The following ARHGAP26 variants were observed in gnomAD, a reference collection of about 807,000 sequenced individuals.
ARHGAP26 encodes rho GTPase-activating protein 26.
A neutral mutation model predicts 104.8 loss-of-function variants in ARHGAP26; 38 were observed. The ratio of observed to expected loss-of-function variants is 0.36; its 90% CI spans 0.28 to 0.48. The LOEUF is 0.48. Among genes scored for constraint, ARHGAP26 ranks in the 20% least tolerant of loss-of-function variants. The pLI, the probability that ARHGAP26 is intolerant of heterozygous loss-of-function variation, is 0.99. For synonymous variants in ARHGAP26, 341 were observed against 340.0 expected (o/e 1.00, Z -0.03); for missense variants, 704 against 947.9 (o/e 0.74, Z 3.38).
At chr5:143,130,974 T>C (rs1449140495) in intron 18 of ARHGAP26, among the ~76,000 whole-genome samples, 2 of 152,242 alleles carry the variant, frequency 1.3e-5, no homozygotes, top group Non-Finnish European at 2.9e-5. Context: ...ATCCTGAGAA[T>C]AGCCCTATCA....
intron 11 of ARHGAP26, among the ~76,000 whole-genome samples, chr5:143,007,919 G>A (rs566755425): frequency 1.3e-5 from 2 of 152,206 alleles, no homozygotes; most frequent in South Asian, 4.2e-4. Flanking sequence ...GTTTCAGTTG[G>A]TTATATTACA....
intron 1 of ARHGAP26, among the ~76,000 whole-genome samples, chr5:142,820,131 G>A (rs1022565615): frequency 6.6e-6 from 1 of 152,190 alleles, no homozygotes; most frequent in Non-Finnish European, 1.5e-5. Flanking sequence ...TGGAATCCAC[G>A]AATGTGCATT....
At chr5:143,017,978 A>G (rs1375199319) in intron 12 of ARHGAP26, among the ~76,000 whole-genome samples, 2 of 152,194 alleles carry the variant, frequency 1.3e-5, no homozygotes, top group African/African-American at 2.4e-5. Flanking sequence ...CCCTACATGC[A>G]AATTTCTCCA....
At chr5:143,189,184 G>A (rs893939089) in intron 20 of ARHGAP26, among the ~76,000 whole-genome samples, 1 of 152,154 alleles carries the variant, frequency 6.6e-6, no homozygotes, top group African/African-American at 2.4e-5. Context: ...TTCAAAATAG[G>A]ACCCTTTCCA....
intron 1 of ARHGAP26, among the ~76,000 whole-genome samples, chr5:142,857,148 A>G (rs553774797): frequency 1.1e-4 from 17 of 152,262 alleles, no homozygotes; most frequent in African/African-American, 4.1e-4. Context: ...TTACAAGGAC[A>G]CTAGTCATTG....
chr5:142,974,449 C>A (rs566341725), intron 11 of ARHGAP26, among the ~76,000 whole-genome samples: 1 of 152,260 alleles, frequency 6.6e-6, no homozygotes, highest in South Asian at 2.1e-4. Context: ...CAATGGCCCT[C>A]TTTACATGGG....
At chr5:142,819,894 A>G (rs1344648395) in intron 1 of ARHGAP26, among the ~76,000 whole-genome samples, 2 of 152,146 alleles carry the variant, frequency 1.3e-5, no homozygotes, top group Non-Finnish European at 2.9e-5. Context: ...CTGGTGTTGC[A>G]TACACCAGGG....
chr5:143,085,002 G>A (rs540098762), intron 17 of ARHGAP26, among the ~76,000 whole-genome samples: 7 of 135,418 alleles, frequency 5.2e-5, no homozygotes, highest in Non-Finnish European at 7.6e-5. Flanking sequence ...CCGAGATCGC[G>A]CCACTGCACT....
intron 17 of ARHGAP26, among the ~76,000 whole-genome samples, chr5:143,084,350 A>G (rs1790241740): frequency 6.6e-6 from 1 of 152,190 alleles, no homozygotes; most frequent in Admixed American, 6.5e-5. Context: ...GATTCTCATC[A>G]CTCTGTGCTG....
At chr5:142,861,620 G>A (rs376289042) in intron 1 of ARHGAP26, among the ~76,000 whole-genome samples, 6 of 152,078 alleles carry the variant, frequency 3.9e-5, no homozygotes, top group South Asian at 2.1e-4. Flanking sequence ...TCATTTTTAC[G>A]CAGAAACAAA....
intron 11 of ARHGAP26, among the ~76,000 whole-genome samples, chr5:143,004,584 C>T (rs982331897): frequency 6.6e-6 from 1 of 152,196 alleles, no homozygotes; most frequent in Admixed American, 6.5e-5. Flanking sequence ...CCATGAAGAG[C>T]TCCTGTCAGT....
At chr5:143,106,790 C>T (rs2005795) in intron 17 of ARHGAP26, among the ~76,000 whole-genome samples, 116,472 of 152,070 alleles carry the variant, frequency 0.77, 47,921 homozygotes, top group Non-Finnish European at 0.92. Flanking sequence ...CATTTTAAAG[C>T]GGTCTCAGGC....
Position 143,222,246 on chromosome 5 carries a change from TACACACAC to T in ARHGAP26, c.2192-81_2192-74del, listed in dbSNP as rs66463225. 4.0e-3 allele frequency: 1,926 copies of T among 478,944 alleles called. 20 individuals carry two copies. Among genetic ancestry groups the T allele is most frequent in the African/African-American group, 0.023 (1,179 of 50,754 alleles). The allele number at this position is 478,944 out of a possible 1,614,324, so 29.7% of individuals were successfully genotyped here. ...GTACTCATTGTCCAAGCTTCCTTCA[TACACACAC>T]ACACACACACACACACACACACACA... On this transcript the variant is annotated intron_variant, in intron 22 of 22. Transcript: ENST00000645722.
intron 17 of ARHGAP26, among the ~76,000 whole-genome samples, chr5:143,070,115 G>A (rs774407321): frequency 7.2e-5 from 11 of 152,138 alleles, no homozygotes; most frequent in Non-Finnish European, 1.6e-4. Context: ...ATGTGGGGGG[G>A]TTCCCATGTC....
At chr5:143,142,156 T>TTTTTTTG (rs869134761) in intron 19 of ARHGAP26, among the ~76,000 whole-genome samples, 1 of 140,604 alleles carries the variant, frequency 7.1e-6, no homozygotes, top group Non-Finnish European at 1.6e-5. Flanking sequence ...TTTTTTTTTT[T>TTTTTTTG]GAGACAGTCT....
chr5:142,798,293 T>C (rs1761389748), intron 1 of ARHGAP26, among the ~76,000 whole-genome samples: 1 of 152,238 alleles, frequency 6.6e-6, no homozygotes, highest in Non-Finnish European at 1.5e-5. Context: ...TTGATGCTCA[T>C]GTGCCTCCTC....
At chr5:143,199,622 T>C (rs1332694049) in intron 20 of ARHGAP26, among the ~76,000 whole-genome samples, 2 of 152,170 alleles carry the variant, frequency 1.3e-5, no homozygotes, top group Non-Finnish European at 2.9e-5. Context: ...CATCACCACC[T>C]AACAGTCTAA....
At chr5:143,018,264 G>T (rs1779859496) in intron 12 of ARHGAP26, among the ~76,000 whole-genome samples, 2 of 152,120 alleles carry the variant, frequency 1.3e-5, no homozygotes, top group Non-Finnish European at 2.9e-5. Context: ...GATTTAGCCA[G>T]TTTAAATATG....
chr5:143,063,070 G>T (rs888210378), intron 17 of ARHGAP26, among the ~76,000 whole-genome samples: 5 of 152,092 alleles, frequency 3.3e-5, no homozygotes, highest in Non-Finnish European at 5.9e-5. Flanking sequence ...ACTGAACACC[G>T]CAGTGCTGCC....
Sources: allele counts gnomAD v4.1 joint callset (sites outside exome capture counted in the v4.1 genomes callset), GRCh38; gene constraint gnomAD v4.1.1; transcripts MANE v1.5; gene names NCBI Gene and HGNC (gene_info 2026-07-23, HGNC 2026-07-21).